The following TRAPPC12 variants were observed in gnomAD, a reference collection of about 807,000 sequenced individuals.
TRAPPC12 encodes TPR repeat protein 15.
In TRAPPC12, 61 loss-of-function variants were observed where a neutral mutation model predicts 69.2. The ratio of observed to expected loss-of-function variants is 0.88; its 90% CI spans 0.72 to 1.09. The LOEUF is 1.09. TRAPPC12 is among the 50% of genes least tolerant of loss of function. The pLI is 0.00. For synonymous variants in TRAPPC12, 469 were observed against 438.9 expected (o/e 1.07, Z -0.86); for missense variants, 1,101 against 1,016.4 (o/e 1.08, Z -1.13).
intron 2 of TRAPPC12, among the ~76,000 whole-genome samples, chr2:3,398,554 C>G (rs1345852339): frequency 6.6e-6 from 1 of 152,192 alleles, no homozygotes; most frequent in African/African-American, 2.4e-5. Flanking sequence ...TTCAGCAGCG[C>G]TACCCCGTGA....
In TRAPPC12 at chr2:3,479,270, T is replaced by TC. The variant is rs34748695; in HGVS notation, c.2020dup (p.Leu674ProfsTer77). On this transcript the variant is annotated frameshift_variant, in exon 12 of 12. Transcript: ENST00000324266. LOFTEE classifies it high-confidence loss of function. ...GCTCTACCTGGGCAAGCTCAAGGAC[T>TC]CCCTGCGGCAGCTGGAGGCCATGGT... is the stretch of plus-strand genomic sequence containing the variant. 3.1e-6 allele frequency: 5 copies of TC among 1,614,164 alleles called. No homozygotes were observed. Among genetic ancestry groups the TC allele is most frequent in the Non-Finnish European group, 4.2e-6 (5 of 1,180,028 alleles).
At position 3,404,613 on chromosome 2, in the gene TRAPPC12, CA is replaced by C. The variant is rs963177696; in HGVS notation, c.1164+2721del. 6.2e-4 allele frequency among the ~76,000 whole-genome samples: 95 copies of C among 152,146 alleles called. 1 individual carries two copies. Among genetic ancestry groups the C allele is most frequent in the African/African-American group, 2.3e-3 (94 of 41,470 alleles). On this transcript the variant is annotated intron_variant, in intron 3 of 11. Coordinates refer to ENST00000324266, the MANE Select transcript of TRAPPC12 (RefSeq NM_016030.6). ...AACAAATGCTGTAACTTGGGGGAGA[CA>C]GAGCCAACCTACAAAAATTAAAAAT...
chr2:3,383,705 T>C (rs889783811), intron 1 of TRAPPC12, among the ~76,000 whole-genome samples: 1 of 151,692 alleles, frequency 6.6e-6, no homozygotes, highest in Non-Finnish European at 1.5e-5. Flanking sequence ...GCACCCGGCC[T>C]TCACAGTTAA....
chr2:3,388,785 A>G (rs1433313397), intron 2 of TRAPPC12, 115 bp downstream of exon 2: 3 of 1,081,322 alleles, frequency 2.8e-6, no homozygotes, highest in East Asian at 5.4e-5. Context: ...GTAATTCCTA[A>G]CATCCCATTG....
At chr2:3,384,770 A>G (rs1038338585) in intron 1 of TRAPPC12, among the ~76,000 whole-genome samples, 3 of 152,238 alleles carry the variant, frequency 2.0e-5, no homozygotes, top group African/African-American at 7.2e-5. Context: ...TTAGCCTTAT[A>G]AAGTGAATTG....
chr2:3,435,932 G>A (rs1194202290), intron 5 of TRAPPC12, among the ~76,000 whole-genome samples: 1 of 152,168 alleles, frequency 6.6e-6, no homozygotes, highest in Non-Finnish European at 1.5e-5. Context: ...TGTGCATTTT[G>A]AGGCATTATA....
chr2:3,422,501 G>A (rs1662867455), intron 4 of TRAPPC12, among the ~76,000 whole-genome samples: 1 of 152,234 alleles, frequency 6.6e-6, no homozygotes, highest in Non-Finnish European at 1.5e-5. Flanking sequence ...AGAAGGAACA[G>A]CTGCAAACGT....
chr2:3,434,804 C>T (rs1045915277), intron 5 of TRAPPC12, among the ~76,000 whole-genome samples: 3 of 152,182 alleles, frequency 2.0e-5, no homozygotes, highest in African/African-American at 4.8e-5. Context: ...ACTTGATAAC[C>T]GAGTGTCTAC....
chr2:3,477,811 C>T lies in TRAPPC12; in HGVS notation c.1877+16C>T, dbSNP rs367578413. The T allele has an allele frequency of 1.3e-6, 2 of 1,534,474 alleles. No homozygotes were observed. The highest frequency in any genetic ancestry group is 8.9e-7 in the Non-Finnish European group (1 of 1,124,712). ...TGATGAACAGGTAAATATTTTAAAA[C>T]TAAATATATGTTTTCTCAAATTTCC... is the stretch of plus-strand genomic sequence containing the variant. On this transcript the variant is annotated intron_variant, in intron 10 of 11. Transcript: ENST00000324266.
chr2:3,457,031 G>T, intron 6 of TRAPPC12: 1 of 456,904 alleles, frequency 2.2e-6, no homozygotes. Flanking sequence ...CACGCCATAG[G>T]GACTTGGTGA....
chr2:3,403,722 G>A (rs998858624), intron 3 of TRAPPC12, among the ~76,000 whole-genome samples: 1 of 152,122 alleles, frequency 6.6e-6, no homozygotes, highest in Non-Finnish European at 1.5e-5. Context: ...CAGCTCAGAG[G>A]CAACTGTCTT....
intron 1 of TRAPPC12, among the ~76,000 whole-genome samples, chr2:3,386,524 A>C (rs1466638776): frequency 6.6e-6 from 1 of 152,204 alleles, no homozygotes; most frequent in African/African-American, 2.4e-5. Flanking sequence ...TCTGAGAATC[A>C]CACAGGCATA....
intron 2 of TRAPPC12, among the ~76,000 whole-genome samples, chr2:3,394,451 T>C (rs1022462599): frequency 6.6e-6 from 1 of 151,978 alleles, no homozygotes; most frequent in Non-Finnish European, 1.5e-5. Context: ...TGAAACCCCA[T>C]CTCTACTAAA....
intron 9 of TRAPPC12, among the ~76,000 whole-genome samples, chr2:3,469,132 C>G (rs927095206): frequency 2.0e-5 from 3 of 152,216 alleles, no homozygotes; most frequent in African/African-American, 7.2e-5. Flanking sequence ...AGAAACAGCC[C>G]TCAGAGAAGT....
At chr2:3,438,490 TAATCCCCCGCCACCCCTGGATC>T (rs1664003053) in intron 5 of TRAPPC12, among the ~76,000 whole-genome samples, 2 of 131,556 alleles carry the variant, frequency 1.5e-5, no homozygotes, top group Admixed American at 7.5e-5. Context: ...AGCCCTGGAT[TAATCCCCCGCCACCCCTGGATC>T]AATCCCCCCA....
intron 2 of TRAPPC12, among the ~76,000 whole-genome samples, chr2:3,392,648 G>A (rs1404427451): frequency 6.6e-6 from 1 of 152,238 alleles, no homozygotes; most frequent in Non-Finnish European, 1.5e-5. Flanking sequence ...AAATCACAAT[G>A]AGATATCATG....
At chr2:3,464,288 C>T (rs1031404984) in intron 8 of TRAPPC12, among the ~76,000 whole-genome samples, 5 of 152,322 alleles carry the variant, frequency 3.3e-5, no homozygotes, top group Non-Finnish European at 4.4e-5. Flanking sequence ...CTGTCTGGCT[C>T]GTCATGGGCG....
chr2:3,468,799 A>T (rs1665937313), intron 9 of TRAPPC12, among the ~76,000 whole-genome samples: 1 of 152,004 alleles, frequency 6.6e-6, no homozygotes, highest in Non-Finnish European at 1.5e-5. Context: ...CTCACACCCC[A>T]CGCGCCAGCC....
chr2:3,430,414 G>A (rs947684830), intron 5 of TRAPPC12, among the ~76,000 whole-genome samples: 25 of 152,262 alleles, frequency 1.6e-4, no homozygotes, highest in Non-Finnish European at 3.2e-4. Flanking sequence ...ACCTCCTGTC[G>A]CAACTGACGT....
Sources: allele counts gnomAD v4.1 joint callset (sites outside exome capture counted in the v4.1 genomes callset), GRCh38; gene constraint gnomAD v4.1.1; transcripts MANE v1.5; gene names NCBI Gene and HGNC (gene_info 2026-07-23, HGNC 2026-07-21).